EMSY: variants seen among roughly 807,000 people sequenced by gnomAD.
The protein encoded by EMSY is EMSY transcriptional repressor, BRCA2 interacting.
Under a neutral mutation model 134.6 loss-of-function variants are expected in EMSY, and 26 were observed. The observed-to-expected ratio is 0.19, with a 90% CI of 0.14 to 0.27. The LOEUF (loss-of-function observed/expected upper bound fraction) is 0.27. Ranked by LOEUF, EMSY falls within the 10% of genes least tolerant of loss-of-function variation. The pLI is 1.00. For missense variants in EMSY, 1,305 were observed against 1,611.4 expected, an observed-to-expected ratio of 0.81 and a Z score of 3.26; for synonymous variants, 579 against 577.8, an observed-to-expected ratio of 1.00 and a Z score of -0.03.
chr11:76,496,794 T>G (rs185499539), intron 9 of EMSY: 186 of 355,274 alleles, frequency 5.2e-4, no homozygotes, highest in Middle Eastern at 2.3e-3. Flanking sequence ...TTACATAGAT[T>G]CCTTGGGATT....
intron 2 of EMSY, among the ~76,000 whole-genome samples, chr11:76,451,016 C>T (rs1270588822): frequency 2.0e-5 from 3 of 151,786 alleles, no homozygotes; most frequent in Non-Finnish European, 2.9e-5. Flanking sequence ...AGACTGGTCT[C>T]GAACTCTTGG....
intron 8 of EMSY, among the ~76,000 whole-genome samples, chr11:76,486,657 C>G (rs572232888): frequency 1.7e-3 from 262 of 152,192 alleles, no homozygotes; most frequent in Non-Finnish European, 2.2e-3. Context: ...ACCTCTCCTC[C>G]TTACATTTGC....
chr11:76,542,445 A>C, intron 18 of EMSY, 78 bp downstream of exon 19: 1 of 1,517,502 alleles, frequency 6.6e-7, no homozygotes, highest in Non-Finnish European at 9.1e-7. Flanking sequence ...CTTGTATTTT[A>C]AGAGGAGAAA....
Position 76,498,573 on chromosome 11 carries a change from A to G in EMSY, c.1363+2104A>G, listed in dbSNP as rs145214596. On this transcript the variant is annotated intron_variant, in intron 9 of 20. Coordinates refer to ENST00000334736, the Ensembl canonical transcript of EMSY. ...CCTGGTATATTGATCCTGTCTCATTATGTAGCGTTCCTTTTTTTCTGCAAT... is the reference window on the plus strand; with the variant it reads ...CCTGGTATATTGATCCTGTCTCATTGTGTAGCGTTCCTTTTTTTCTGCAAT... Among the ~76,000 whole-genome samples, 711 of 152,236 alleles carry G rather than the reference A, an allele frequency of 4.7e-3. 4 individuals carry two copies. The highest frequency in any genetic ancestry group is 0.016 in the African/African-American group (666 of 41,552).
intron 6 of EMSY, 94 bp downstream of exon 7, chr11:76,460,179 T>C: frequency 7.1e-7 from 1 of 1,414,556 alleles, no homozygotes; most frequent in Non-Finnish European, 9.8e-7. Context: ...AAATCATTGG[T>C]CCACTAGCTG....
In EMSY at chr11:76,479,055, T is replaced by C. The variant is rs1948872335; in HGVS notation, c.1108+6215T>C. ...TATATACCCTTTCAGAATATTTCAT[T>C]AGTATCTGGCCACTATTAAGTCCTT... On this transcript the variant is annotated intron_variant, in intron 8 of 20. Coordinates refer to ENST00000334736, the Ensembl canonical transcript of EMSY. Among the ~76,000 whole-genome samples, 3 of 152,110 alleles carry C rather than the reference T, an allele frequency of 2.0e-5. No homozygotes were observed. In the South Asian group the frequency reaches 6.2e-4, roughly 31 times the overall value.
At chr11:76,479,728 C>T (rs182091481) in intron 8 of EMSY, among the ~76,000 whole-genome samples, 28 of 152,122 alleles carry the variant, frequency 1.8e-4, no homozygotes, top group African/African-American at 4.3e-4. Flanking sequence ...GAATGACTAC[C>T]GTATATGACC....
chr11:76,532,656 A>G (rs1488499497), intron 14 of EMSY, among the ~76,000 whole-genome samples: 2 of 152,134 alleles, frequency 1.3e-5, no homozygotes, highest in Non-Finnish European at 2.9e-5. Flanking sequence ...TTTGTTTCCA[A>G]AAGGTTTTAA....
At chr11:76,512,487 A>G (rs1220884405) in intron 9 of EMSY, among the ~76,000 whole-genome samples, 2 of 152,180 alleles carry the variant, frequency 1.3e-5, no homozygotes, top group Non-Finnish European at 2.9e-5. Context: ...AGAAGCTAGC[A>G]TTCCTATGTG....
At chr11:76,463,495 T>C (rs1590804016) in intron 6 of EMSY, among the ~76,000 whole-genome samples, 2 of 151,674 alleles carry the variant, frequency 1.3e-5, no homozygotes, top group African/African-American at 4.8e-5. Flanking sequence ...CGGTGGCGGG[T>C]GCCTGTAGTC....
intron 8 of EMSY, among the ~76,000 whole-genome samples, chr11:76,485,403 A>G (rs994196784): frequency 9.2e-5 from 14 of 152,328 alleles, no homozygotes; most frequent in African/African-American, 3.1e-4. Flanking sequence ...TATGCAAATC[A>G]ATAAACATAA....
intron 11 of EMSY, among the ~76,000 whole-genome samples, chr11:76,518,703 A>ATATATATATATATAT (rs57143914): frequency 1.1e-4 from 14 of 130,204 alleles, no homozygotes; most frequent in Middle Eastern, 3.8e-3. Flanking sequence ...ATATATATAT[A>ATATATATATATATAT]TTTTTTTTTT....
At chr11:76,455,796 T>TAA (rs1947847837) in intron 4 of EMSY, among the ~76,000 whole-genome samples, 1 of 152,230 alleles carries the variant, frequency 6.6e-6, no homozygotes, top group Admixed American at 6.5e-5. Flanking sequence ...TGTTACAGTA[T>TAA]TAACGCCTTG....
intron 8 of EMSY, among the ~76,000 whole-genome samples, chr11:76,483,305 A>G (rs1272374809): frequency 2.0e-5 from 3 of 152,230 alleles, no homozygotes; most frequent in Admixed American, 1.3e-4. Flanking sequence ...AAACATACCA[A>G]ATTGTAAAGA....
At chr11:76,534,847 C>T (rs148863589) in intron 14 of EMSY, among the ~76,000 whole-genome samples, 1 of 152,150 alleles carries the variant, frequency 6.6e-6, no homozygotes, top group East Asian at 1.9e-4. Flanking sequence ...GGAATCATGC[C>T]TTTATGTCCT....
chr11:76,471,952 T>C (rs1948588579), intron 7 of EMSY, among the ~76,000 whole-genome samples: 1 of 152,216 alleles, frequency 6.6e-6, no homozygotes, highest in Non-Finnish European at 1.5e-5. Context: ...ATATCCCTAC[T>C]TCCTTCTGGT....
chr11:76,520,809 T>C (rs1565342335), intron 11 of EMSY, among the ~76,000 whole-genome samples: 1 of 34,594 alleles, frequency 2.9e-5, no homozygotes, highest in African/African-American at 5.9e-5. Flanking sequence ...GTATAAAACT[T>C]AAGTAAGGAA....
chr11:76,540,768 C>T (rs1313882146), intron 17 of EMSY, among the ~76,000 whole-genome samples: 2 of 152,142 alleles, frequency 1.3e-5, no homozygotes, highest in African/African-American at 4.8e-5. Flanking sequence ...AATTATAGAT[C>T]AGGGTATATG....
chr11:76,506,840 T>C (rs1468944171), intron 9 of EMSY, among the ~76,000 whole-genome samples: 2 of 152,222 alleles, frequency 1.3e-5, no homozygotes, highest in Admixed American at 1.3e-4. Flanking sequence ...GTCATACTTC[T>C]GGAAATTTAT....
Sources: gnomAD v4.1 joint callset for allele counts (sites outside exome capture counted in the v4.1 genomes callset) on GRCh38, gnomAD v4.1.1 for gene constraint, MANE v1.5 for transcripts, NCBI Gene and HGNC (gene_info 2026-07-23, HGNC 2026-07-21) for gene names.